The following CATSPERT variants were observed in gnomAD, a reference collection of about 807,000 sequenced individuals.
CATSPERT encodes catsper channel auxiliary subunit tau.
At chr2:201,552,075 C>T in the CATSPERT span, among the ~76,000 whole-genome samples, 1 of 151,152 alleles carries the variant, frequency 6.6e-6, no homozygotes, top group Non-Finnish European at 1.5e-5. Flanking sequence ...CGTGTGATCT[C>T]GGCTCCACCC....
the CATSPERT span, among the ~76,000 whole-genome samples, chr2:201,517,173 CCTT>C: frequency 6.6e-6 from 1 of 152,068 alleles, no homozygotes; most frequent in East Asian, 1.9e-4. Flanking sequence ...GAGGTCATCC[CCTT>C]CTTCCCCACC....
At chr2:201,601,969 G>A in the CATSPERT span, 10 of 980,482 alleles carry the variant, frequency 1.0e-5, no homozygotes, top group South Asian at 1.8e-5. Flanking sequence ...AAACGATTCA[G>A]ACCAAAACCT....
chr2:201,606,258 T>A, the CATSPERT span, among the ~76,000 whole-genome samples: 1 of 152,286 alleles, frequency 6.6e-6, no homozygotes, highest in African/African-American at 2.4e-5. Context: ...CTAGTAAGAT[T>A]ATTAGGCTTT....
chr2:201,528,268 C>T, the CATSPERT span, among the ~76,000 whole-genome samples: 4 of 152,058 alleles, frequency 2.6e-5, no homozygotes, highest in Non-Finnish European at 4.4e-5. Flanking sequence ...ACAATAGATG[C>T]TGGTGAGGCT....
the CATSPERT span, among the ~76,000 whole-genome samples, chr2:201,505,867 G>T: frequency 1.3e-5 from 2 of 152,150 alleles, no homozygotes; most frequent in Non-Finnish European, 2.9e-5. Context: ...GGAAGAAAGT[G>T]GATGAGGGGT....
the CATSPERT span, among the ~76,000 whole-genome samples, chr2:201,541,531 TTA>T: frequency 4.5e-3 from 420 of 92,592 alleles, 1 homozygote; most frequent in African/African-American, 6.7e-3. Context: ...TCAGATGATT[TTA>T]TATATATATA....
the CATSPERT span, chr2:201,493,110 A>G: frequency 4.6e-6 from 7 of 1,528,054 alleles, no homozygotes; most frequent in African/African-American, 6.9e-5. Flanking sequence ...TGAAAAAAAC[A>G]TTGAAGATGT....
chr2:201,488,805 C>T, the CATSPERT span, among the ~76,000 whole-genome samples: 2 of 152,096 alleles, frequency 1.3e-5, no homozygotes, highest in African/African-American at 2.4e-5. Context: ...GACTGTATAA[C>T]GAGTCTAAAG....
chr2:201,551,129 T>G, the CATSPERT span: 1 of 152,232 alleles, frequency 6.6e-6, no homozygotes, highest in African/African-American at 2.4e-5. Flanking sequence ...GAAAATTGTT[T>G]GAGATTAGTT....
At chr2:201,567,290 T>C in the CATSPERT span, among the ~76,000 whole-genome samples, 43 of 152,342 alleles carry the variant, frequency 2.8e-4, no homozygotes, top group African/African-American at 7.2e-4. Flanking sequence ...ACAGGAGATA[T>C]AGCTAAACAT....
At chr2:201,550,961 C>G in the CATSPERT span, 32 of 152,250 alleles carry the variant, frequency 2.1e-4, no homozygotes, top group Non-Finnish European at 1.0e-4. Context: ...TTTACTCAAC[C>G]CATAGTGGCT....
the CATSPERT span, among the ~76,000 whole-genome samples, chr2:201,519,416 C>A: frequency 6.6e-6 from 1 of 152,004 alleles, no homozygotes; most frequent in Non-Finnish European, 1.5e-5. Context: ...ACTATTACAC[C>A]AGATATGTGA....
At chr2:201,492,947 T>C in the CATSPERT span, 1 of 1,536,572 alleles carries the variant, frequency 6.5e-7, no homozygotes, top group Non-Finnish European at 8.7e-7. Context: ...ACACGCAACT[T>C]TGGACTCAAA....
At chr2:201,545,333 G>A in the CATSPERT span, among the ~76,000 whole-genome samples, 2 of 151,972 alleles carry the variant, frequency 1.3e-5, no homozygotes, top group East Asian at 1.9e-4. Context: ...CACCGTGCCT[G>A]GCCTTAAAAC....
chr2:201,617,390 C>T, the CATSPERT span, among the ~76,000 whole-genome samples: 9 of 152,032 alleles, frequency 5.9e-5, no homozygotes, highest in Admixed American at 2.0e-4. Context: ...ATAGAGCCCC[C>T]GGAAATAATA....
At chr2:201,582,429 T>C in the CATSPERT span, among the ~76,000 whole-genome samples, 2 of 152,174 alleles carry the variant, frequency 1.3e-5, no homozygotes, top group African/African-American at 4.8e-5. Flanking sequence ...CAGTCACATA[T>C]ATACTAATAT....
chr2:201,603,384 G>T, the CATSPERT span: 7 of 867,848 alleles, frequency 8.1e-6, no homozygotes, highest in Non-Finnish European at 1.0e-5. Context: ...CACGTTGTTG[G>T]TTTTTCTCAT....
chr2:201,548,533 T>A, the CATSPERT span, among the ~76,000 whole-genome samples: 4 of 152,000 alleles, frequency 2.6e-5, no homozygotes, highest in African/African-American at 7.2e-5. Flanking sequence ...TATATATATA[T>A]AATTATTCAA....
the CATSPERT span, among the ~76,000 whole-genome samples, chr2:201,563,294 C>A: frequency 7.3e-6 from 1 of 137,650 alleles, no homozygotes; most frequent in Non-Finnish European, 1.6e-5. Context: ...ACCTCCCGGA[C>A]GGGGCGGCTG....
Sources: allele counts gnomAD v4.1 joint callset (sites outside exome capture counted in the v4.1 genomes callset), GRCh38; gene constraint gnomAD v4.1.1; transcripts MANE v1.5; gene names NCBI Gene and HGNC (gene_info 2026-07-23, HGNC 2026-07-21).